Variants in GPC5 observed in about 807,000 individuals in gnomAD.
The protein encoded by GPC5 is glypican 5.
GPC5 carries 47 observed loss-of-function variants against 53.9 expected under a neutral mutation model. That is an observed-to-expected ratio of 0.87 (90% CI 0.69 to 1.11). The LOEUF is 1.11. GPC5 is among the 50% of genes most tolerant of loss of function. The pLI is 0.00. For synonymous variants in GPC5, 286 were observed against 263.3 expected (o/e 1.09, Z -0.84); for missense variants, 748 against 713.1 (o/e 1.05, Z -0.56).
chr13:91,419,299 A>G (rs909739818), intron 1 of GPC5, among the ~76,000 whole-genome samples: 2 of 152,206 alleles, frequency 1.3e-5, no homozygotes, highest in Non-Finnish European at 2.9e-5. Context: ...GAGACAATGA[A>G]TATGAGCACA....
rs1427415138 is a variant in GPC5 at position 92,328,894 on chromosome 13, T to C, written c.1561+183905T>C. 3.3e-5 allele frequency among the ~76,000 whole-genome samples: 5 copies of C among 152,184 alleles called. No homozygotes were observed. In the East Asian group the frequency reaches 9.6e-4, roughly 29 times the overall value. The stretch of plus-strand genomic sequence containing the variant: ...TCTCTACTTAGGACTTCTGAAACAA[T>C]GGCATGGTGCTTTTCCCTCACCAGA... On this transcript the variant is annotated intron_variant, in intron 7 of 7. Transcript: ENST00000377067.
At chr13:92,663,874 A>AC (rs1886468964) in intron 7 of GPC5, among the ~76,000 whole-genome samples, 4 of 38,472 alleles carry the variant, frequency 1.0e-4, no homozygotes, top group Admixed American at 4.1e-4. Context: ...ATATATATAT[A>AC]TATATATATA....
intron 6 of GPC5, among the ~76,000 whole-genome samples, chr13:92,086,666 T>G (rs1475480754): frequency 6.6e-6 from 1 of 152,148 alleles, no homozygotes; most frequent in East Asian, 1.9e-4. Flanking sequence ...TTTTTTTTCT[T>G]TCTTTCTTTT....
At chr13:92,585,765 G>C (rs1883518282) in intron 7 of GPC5, among the ~76,000 whole-genome samples, 1 of 152,152 alleles carries the variant, frequency 6.6e-6, no homozygotes, top group Non-Finnish European at 1.5e-5. Context: ...CATGGGGTCA[G>C]GTCTTTCCTG....
intron 6 of GPC5, among the ~76,000 whole-genome samples, chr13:91,972,065 G>T (rs1319563555): frequency 6.6e-6 from 1 of 152,136 alleles, no homozygotes; most frequent in Non-Finnish European, 1.5e-5. Context: ...TGACAGTGGG[G>T]TGTTAAAGTC....
chr13:92,571,219 CAT>C (rs1335447015), intron 7 of GPC5, among the ~76,000 whole-genome samples: 1 of 152,208 alleles, frequency 6.6e-6, no homozygotes, highest in African/African-American at 2.4e-5. Context: ...TCATATCTCA[CAT>C]GTCATAAATT....
chr13:92,380,062 T>A (rs2043726788), intron 7 of GPC5, among the ~76,000 whole-genome samples: 1 of 152,336 alleles, frequency 6.6e-6, no homozygotes, highest in Non-Finnish European at 1.5e-5. Context: ...AATATTATCG[T>A]GCAGGCTGCT....
At chr13:91,626,936 T>TG (rs2034019221) in intron 2 of GPC5, among the ~76,000 whole-genome samples, 1 of 149,682 alleles carries the variant, frequency 6.7e-6, no homozygotes, top group Non-Finnish European at 1.5e-5. Flanking sequence ...TTTTTGTCCT[T>TG]GCGATAGTCT....
At chr13:91,476,385 C>G (rs1882930526) in intron 2 of GPC5, among the ~76,000 whole-genome samples, 1 of 152,174 alleles carries the variant, frequency 6.6e-6, no homozygotes, top group Non-Finnish European at 1.5e-5. Flanking sequence ...CCCAGTGTTA[C>G]ATTGAAGTAA....
At position 91,428,266 on chromosome 13, in the gene GPC5, AT is replaced by A. The variant is rs547958654; in HGVS notation, c.164-20490del. On this transcript the variant is annotated intron_variant, in intron 1 of 7. Coordinates refer to ENST00000377067, the MANE Select transcript of GPC5 (RefSeq NM_004466.6). The stretch of plus-strand genomic sequence containing the variant: ...TGGAGAGTGAGTAAGGCAGAGTAGA[AT>A]TTTTCTGAGTGACAGAAAGAAAGCC... Among the ~76,000 whole-genome samples the A allele has an allele frequency of 1.8e-3, 278 of 152,264 alleles. 1 individual carries two copies. Among genetic ancestry groups the A allele is most frequent in the Non-Finnish European group, 3.3e-3 (225 of 68,010 alleles).
intron 5 of GPC5, among the ~76,000 whole-genome samples, chr13:91,790,187 A>T (rs188610468): frequency 6.6e-6 from 1 of 152,112 alleles, no homozygotes; most frequent in Non-Finnish European, 1.5e-5. Context: ...AACAGGTGTG[A>T]GGTGATATTT....
intron 7 of GPC5, among the ~76,000 whole-genome samples, chr13:92,776,510 A>G (rs1377188879): frequency 2.0e-5 from 3 of 152,178 alleles, no homozygotes; most frequent in African/African-American, 7.2e-5. Context: ...ACACACTCAG[A>G]GATTCTGGGG....
intron 4 of GPC5, among the ~76,000 whole-genome samples, chr13:91,751,047 A>T (rs1172220770): frequency 6.6e-6 from 1 of 152,014 alleles, no homozygotes; most frequent in Non-Finnish European, 1.5e-5. Flanking sequence ...TGTTTAATAT[A>T]CCTACCGTAG....
At chr13:92,675,610 G>T (rs1886912037) in intron 7 of GPC5, among the ~76,000 whole-genome samples, 2 of 151,378 alleles carry the variant, frequency 1.3e-5, no homozygotes, top group Non-Finnish European at 2.9e-5. Flanking sequence ...GCAAGTACGT[G>T]TACAACAATG....
chr13:91,506,139 T>C (rs1020223178), intron 2 of GPC5, among the ~76,000 whole-genome samples: 2 of 152,136 alleles, frequency 1.3e-5, no homozygotes, highest in African/African-American at 4.8e-5. Context: ...ATAAGTAGCC[T>C]ATTTAAGTCA....
intron 7 of GPC5, chr13:92,240,117 A>G (rs2042600694): frequency 6.6e-6 from 1 of 152,112 alleles, no homozygotes; most frequent in South Asian, 2.1e-4. Flanking sequence ...ATGGTTATAA[A>G]GACGTTATCA....
intron 7 of GPC5, among the ~76,000 whole-genome samples, chr13:92,555,024 G>T (rs1487165085): frequency 1.3e-5 from 2 of 150,388 alleles, no homozygotes; most frequent in East Asian, 3.9e-4. Context: ...ACTGGTAAAA[G>T]GTTTCTTTTT....
intron 7 of GPC5, among the ~76,000 whole-genome samples, chr13:92,361,257 T>A (rs528695854): frequency 6.6e-6 from 1 of 151,578 alleles, no homozygotes; most frequent in Non-Finnish European, 1.5e-5. Flanking sequence ...GCTTGAAACA[T>A]CTTGTGGGTC....
At chr13:92,782,161 G>A (rs1279639397) in intron 7 of GPC5, among the ~76,000 whole-genome samples, 1 of 151,422 alleles carries the variant, frequency 6.6e-6, no homozygotes, top group Non-Finnish European at 1.5e-5. Context: ...GGAAAGGAAG[G>A]AAAGAAATCA....
Sources: allele counts gnomAD v4.1 joint callset (sites outside exome capture counted in the v4.1 genomes callset), GRCh38; gene constraint gnomAD v4.1.1; transcripts MANE v1.5; gene names NCBI Gene and HGNC (gene_info 2026-07-23, HGNC 2026-07-21).